NMUR1: variants seen among roughly 807,000 people sequenced by gnomAD.
NMUR1 encodes the protein neuromedin-U receptor 1.
A neutral mutation model predicts 18.8 loss-of-function variants in NMUR1; 16 were observed. The observed-to-expected ratio is 0.85, with a 90% CI of 0.58 to 1.29. The LOEUF (loss-of-function observed/expected upper bound fraction) is 1.29, where lower values mean the gene tolerates loss of function less well. Among genes scored for constraint, NMUR1 ranks in the 50% most tolerant of loss-of-function variants. The pLI is 0.00. For missense variants in NMUR1, 529 were observed against 580.3 expected, an observed-to-expected ratio of 0.91 and a Z score of 0.91; for synonymous variants, 258 against 258.2, an observed-to-expected ratio of 1.00 and a Z score of 0.01.
chr2:231,522,503 C>T (rs2047314490), downstream of NMUR1, among the ~76,000 whole-genome samples: 1 of 151,974 alleles, frequency 6.6e-6, no homozygotes. Context: ...GGCTACTTCC[C>T]TGGGAGCTCA....
Position 231,528,952 on chromosome 2 carries a change from G to A in NMUR1, c.69C>T (p.Pro23=). ...GDLYPGGARN[P]MACNGSAARG... is the part of the protein sequence containing the mutation. ...TGGCCGCACTGCCATTGCAAGCCAT[G>A]GGGTTCCTTGCACCCCCTGGGTACA... Residue 23 remains proline, a synonymous_variant, in exon 2 of 3, where the codon CCC becomes CCT. Transcript: ENST00000305141. 6.2e-7 allele frequency: 1 copy of A among 1,614,066 alleles called. No individual in the cohort carries two copies. Among genetic ancestry groups the A allele is most frequent in the Non-Finnish European group, 8.5e-7 (1 of 1,179,992 alleles).
At chr2:231,529,610 G>A (rs1334865303) in intron 1 of NMUR1, among the ~76,000 whole-genome samples, 1 of 152,134 alleles carries the variant, frequency 6.6e-6, no homozygotes, top group Non-Finnish European at 1.5e-5. Flanking sequence ...AATGATGCTA[G>A]ATGAGGCACT....
intron 2 of NMUR1, among the ~76,000 whole-genome samples, chr2:231,525,700 G>A (rs2047349611): frequency 6.6e-6 from 1 of 152,312 alleles, no homozygotes; most frequent in Non-Finnish European, 1.5e-5. Context: ...AAGCCCAGCC[G>A]GCCCAATCAG....
Position 231,528,123 on chromosome 2 carries a change from A to G in NMUR1, c.898T>C (p.Phe300Leu). The G allele has an allele frequency of 6.5e-7, 1 of 1,542,588 alleles. No homozygotes were observed. Among genetic ancestry groups the G allele is most frequent in the African/African-American group, 1.4e-5 (1 of 73,236 alleles). ...RGRRQVTKML[F>L]VLVVVFGICW... The stretch of plus-strand genomic sequence containing the variant: ...CCCTCTTCCCAGCCGTGACACTTAC[A>G]CAGCATCTTGGTCACTTGTCTCCGG... The change falls in exon 2 of 3, where the codon TTT becomes CTT. Residue 300 changes from phenylalanine (F) to leucine (L), a missense_variant and splice_region_variant. Coordinates refer to ENST00000305141, the MANE Select transcript of NMUR1 (RefSeq NM_006056.5).
chr2:231,529,626 G>C (rs966212149), intron 1 of NMUR1, among the ~76,000 whole-genome samples: 1 of 152,162 alleles, frequency 6.6e-6, no homozygotes, highest in South Asian at 2.1e-4. Context: ...GCACTCGTTT[G>C]GGCATCTGTA....
chr2:231,520,070 T>C (rs2047293036), downstream of NMUR1, among the ~76,000 whole-genome samples: 1 of 152,186 alleles, frequency 6.6e-6, no homozygotes, highest in African/African-American at 2.4e-5. Flanking sequence ...CAGACTATAG[T>C]TTGCAGTTTA....
intron 1 of NMUR1, among the ~76,000 whole-genome samples, 153 bp from the exon 2 acceptor site, chr2:231,529,170 G>T (rs1575290236): frequency 6.6e-6 from 1 of 152,234 alleles, no homozygotes; most frequent in East Asian, 1.9e-4. Context: ...ACAAGTCAGA[G>T]ATGTAAAAAT....
Position 231,525,221 on chromosome 2 carries a change from T to C in NMUR1, c.1103A>G (p.Gln368Arg), listed in dbSNP as rs778337808. Residue 368 changes from glutamine to arginine, a missense_variant, in exon 3 of 3, where the codon CAG becomes CGG. Gln to Arg is a conservative substitution (Grantham distance 43). Transcript: ENST00000305141. ...LMSSRFRETFQEALCLGACCH... is the reference protein window; with the variant it reads ...LMSSRFRETFREALCLGACCH... ...GCAGGCCCCGAGGCACAGGGCCTCCTGGAAGGTCTCTCGGAAGCGGCTGGA... is the reference window on the plus strand; with the variant it reads ...GCAGGCCCCGAGGCACAGGGCCTCCCGGAAGGTCTCTCGGAAGCGGCTGGA... The C allele has an allele frequency of 2.2e-5, 35 of 1,613,982 alleles. No homozygotes were observed. The highest frequency in any genetic ancestry group is 2.9e-5 in the Non-Finnish European group (34 of 1,179,944).
rs3752761 is a variant in NMUR1, at chr2:231,524,819, A to G, written c.*224T>C. ...TTGAACTGGGGGAGTGGCAGTGGAC[A>G]GATAAGAAGCACAAGGTGTGGCGTC... On this transcript the variant is annotated 3_prime_UTR_variant, in exon 3 of 3. Transcript: ENST00000305141. 151,887 of 502,344 alleles carry G rather than the reference A, an allele frequency of 0.3. 25,378 individuals are homozygous for G. The highest frequency in any genetic ancestry group is 0.5 in the East Asian group (16,142 of 32,034). 31.1% of individuals were successfully genotyped at this position (502,344 alleles called of 1,614,324 possible). A position where few individuals can be genotyped will look rare whatever the true frequency, so the allele number is the denominator to read the frequency against.
chr2:231,530,411 A>G lies in NMUR1; in HGVS notation c.-50T>C. ...GGCTTCCACCCTCCGAGCGACGGAC[A>G]CAGACGCGGCGCGGGAGCCAGTGGA... On this transcript the variant is annotated 5_prime_UTR_variant, in exon 1 of 3. Coordinates refer to ENST00000305141, the MANE Select transcript of NMUR1 (RefSeq NM_006056.5). 6.8e-7 allele frequency: 1 copy of G among 1,469,140 alleles called. No individual in the cohort carries two copies. Among genetic ancestry groups the G allele is most frequent in the Non-Finnish European group, 8.9e-7 (1 of 1,117,416 alleles). The allele number at this position is 1,469,140 out of a possible 1,614,324, so 91.0% of individuals were successfully genotyped here.
Position 231,524,908 on chromosome 2 carries a change from T to G in NMUR1, c.*135A>C. On this transcript the variant is annotated 3_prime_UTR_variant, in exon 3 of 3. Coordinates refer to ENST00000305141, the MANE Select transcript of NMUR1 (RefSeq NM_006056.5). ...CCTGCTGTTTCCCTCTGAGGGAAAC[T>G]GAGGTGCTGGTCAGAATTTCTAGGC... is the stretch of plus-strand genomic sequence containing the variant. 38 of 1,182,794 alleles carry G rather than the reference T, an allele frequency of 3.2e-5. No individual in the cohort carries two copies. Among genetic ancestry groups the G allele is most frequent in the Non-Finnish European group, 4.3e-5 (37 of 864,290 alleles). 73.3% of individuals were successfully genotyped at this position (1,182,794 alleles called of 1,614,324 possible). A position where few individuals can be genotyped will look rare whatever the true frequency, so the allele number is the denominator to read the frequency against.
At chr2:231,529,056 C>A in intron 1 of NMUR1, 39 bp from the exon 2 acceptor site, 1 of 1,548,104 alleles carries the variant, frequency 6.5e-7, no homozygotes, top group Non-Finnish European at 8.7e-7. Context: ...AAAGATCATT[C>A]AGGGAATGCT....
downstream of NMUR1, among the ~76,000 whole-genome samples, chr2:231,522,723 A>G (rs2047316608): frequency 1.3e-5 from 2 of 151,622 alleles, no homozygotes; most frequent in East Asian, 1.9e-4. Flanking sequence ...ACCTCCGCCA[A>G]CCAGCCTCCC....
chr2:231,528,475 A>G lies in NMUR1; in HGVS notation c.546T>C (p.Leu182=). The change falls in exon 2 of 3, where the codon CTT becomes CTC. Residue 182 remains leucine, a synonymous_variant. Coordinates refer to ENST00000305141, the MANE Select transcript of NMUR1 (RefSeq NM_006056.5). ...GCATGGCAAGACCCCAGACGGCCCC[A>G]AGCACTCGGCGCACATGGGCCCGCG... ...MVTRAHVRRV[L]GAVWGLAMLC... is the part of the protein sequence containing the mutation. 5.6e-6 allele frequency: 9 copies of G among 1,613,618 alleles called. No homozygotes were observed. The highest frequency in any genetic ancestry group is 5.5e-5 in the South Asian group (5 of 91,070).
At chr2:231,530,311 C>A in intron 1 of NMUR1, 48 bp downstream of exon 1, 1 of 1,499,882 alleles carries the variant, frequency 6.7e-7, no homozygotes. Flanking sequence ...GCACCGAGCC[C>A]CGGCCCAGCT....
downstream of NMUR1, among the ~76,000 whole-genome samples, chr2:231,519,126 G>A (rs142203177): frequency 2.3e-4 from 35 of 152,372 alleles, no homozygotes; most frequent in African/African-American, 7.9e-4. Context: ...CTCAATAAAT[G>A]TTGGATGAAT....
downstream of NMUR1, among the ~76,000 whole-genome samples, chr2:231,522,332 G>GCA (rs1048630673): frequency 3.3e-5 from 5 of 151,886 alleles, no homozygotes; most frequent in African/African-American, 1.2e-4. Flanking sequence ...CTTGCTGCCT[G>GCA]CACATGGAGG....
chr2:231,525,996 C>T (rs1247781448), intron 2 of NMUR1, among the ~76,000 whole-genome samples: 1 of 152,088 alleles, frequency 6.6e-6, no homozygotes, highest in Non-Finnish European at 1.5e-5. Flanking sequence ...CCTGCCTTGG[C>T]CCCGGCCTTT....
chr2:231,521,475 G>A (rs1235891557), downstream of NMUR1, among the ~76,000 whole-genome samples: 2 of 152,206 alleles, frequency 1.3e-5, no homozygotes, highest in Non-Finnish European at 2.9e-5. Context: ...AGCACCTGGA[G>A]GCACAGGGAG....
Sources: allele counts gnomAD v4.1 joint callset (sites outside exome capture counted in the v4.1 genomes callset), GRCh38; gene constraint gnomAD v4.1.1; transcripts MANE v1.5; gene names NCBI Gene and HGNC (gene_info 2026-07-23, HGNC 2026-07-21).